Variants in ACSBG2 observed in about 807,000 individuals in gnomAD.
ACSBG2 encodes long-chain-fatty-acid--CoA ligase ACSBG2.
ACSBG2 carries 62 observed loss-of-function variants against 74.7 expected under a neutral mutation model. That is an observed-to-expected ratio of 0.83 (90% CI 0.68 to 1.03). The LOEUF is 1.03. Ranked by LOEUF, ACSBG2 falls within the 50% of genes least tolerant of loss-of-function variation. The pLI is 0.00. For synonymous variants in ACSBG2, 309 were observed against 294.1 expected (o/e 1.05, Z -0.52); for missense variants, 730 against 817.6 (o/e 0.89, Z 1.31).
intron 2 of ACSBG2, among the ~76,000 whole-genome samples, 194 bp from the exon 3 acceptor site, chr19:6,147,252 G>A (rs562102433): frequency 2.2e-4 from 33 of 152,252 alleles, no homozygotes; most frequent in African/African-American, 7.7e-4. Flanking sequence ...TTAAAATTTG[G>A]CGGGGCGGGG....
intron 4 of ACSBG2, among the ~76,000 whole-genome samples, chr19:6,154,382 G>A (rs2089341750): frequency 7.2e-6 from 1 of 138,552 alleles, no homozygotes; most frequent in Non-Finnish European, 1.5e-5. Flanking sequence ...TGGGCAACAA[G>A]AGCAAAACTC....
At position 6,177,919 on chromosome 19, in the gene ACSBG2, T is replaced by C. The variant is rs567916148; in HGVS notation, c.906+523T>C. ...GTGTGTGTGTGTGTGTGTGTGTTTA[T>C]AAGTCAGTATTCCCAAATCTAAAAA... is the stretch of plus-strand genomic sequence containing the variant. On this transcript the variant is annotated intron_variant, in intron 8 of 14. Coordinates refer to ENST00000588485, the MANE Select transcript of ACSBG2 (RefSeq NM_030924.5). 7.3e-5 allele frequency among the ~76,000 whole-genome samples: 11 copies of C among 151,230 alleles called. No homozygotes were observed. The South Asian group carries it at 2.3e-3, about 32-fold the overall frequency.
At chr19:6,185,841 T>C (rs1250826460) in intron 11 of ACSBG2, among the ~76,000 whole-genome samples, 188 bp downstream of exon 11, 1 of 152,148 alleles carries the variant, frequency 6.6e-6, no homozygotes, top group Non-Finnish European at 1.5e-5. Flanking sequence ...CCTTGGTCAC[T>C]TGGTATCCCG....
At chr19:6,166,280 T>TGTGTGTGTGTGTGTGTGTGTG (rs2089799967) in intron 7 of ACSBG2, among the ~76,000 whole-genome samples, 1 of 119,096 alleles carries the variant, frequency 8.4e-6, no homozygotes, top group African/African-American at 3.8e-5. Flanking sequence ...GTCAGGAAGG[T>TGTGTGTGTGTGTGTGTGTGTG]TGTGTGTGTG....
chr19:6,156,624 T>A (rs2089430214), intron 5 of ACSBG2, 73 bp downstream of exon 5: 1 of 1,420,036 alleles, frequency 7.0e-7, no homozygotes, highest in Non-Finnish European at 9.3e-7. Flanking sequence ...GTGTTCTTTT[T>A]TTCCCAGGTA....
At chr19:6,157,723 C>A (rs1159879259) in intron 5 of ACSBG2, among the ~76,000 whole-genome samples, 1 of 151,726 alleles carries the variant, frequency 6.6e-6, no homozygotes, top group Admixed American at 6.6e-5. Context: ...AACCTTAAGC[C>A]CCCACTTAAG....
intron 3 of ACSBG2, 105 bp downstream of exon 3, chr19:6,147,780 AG>A: frequency 7.6e-7 from 1 of 1,315,640 alleles, no homozygotes; most frequent in Non-Finnish European, 1.1e-6. Context: ...AAAGATACAA[AG>A]GTTAATTGGC....
chr19:6,154,398 CAAAAA>C (rs2089342593), intron 4 of ACSBG2, among the ~76,000 whole-genome samples: 1 of 38,724 alleles, frequency 2.6e-5, no homozygotes, highest in Non-Finnish European at 5.6e-5. Context: ...AACTCCGTCT[CAAAAA>C]GAGAGAGAGA....
At chr19:6,164,890 G>A (rs2089746562) in intron 6 of ACSBG2, among the ~76,000 whole-genome samples, 1 of 152,168 alleles carries the variant, frequency 6.6e-6, no homozygotes, top group African/African-American at 2.4e-5. Context: ...ACAGGCTCTG[G>A]AGTCAGACCT....
chr19:6,167,202 G>A (rs1460725424), intron 7 of ACSBG2, among the ~76,000 whole-genome samples: 4 of 152,170 alleles, frequency 2.6e-5, no homozygotes, highest in Admixed American at 1.3e-4. Context: ...ATAGTTACCA[G>A]CACACACTGG....
chr19:6,183,167 C>A lies in ACSBG2; in HGVS notation c.1217C>A (p.Ala406Asp), dbSNP rs139253480. ...SGTAPLNQET[A>D]EFFLSLDIPI... The stretch of plus-strand genomic sequence containing the variant: ...ACTGCGCCCCTCAACCAAGAGACTG[C>A]CGAGTTCTTTCTAAGCTTGGACATA... Residue 406 changes from alanine to aspartate, a missense_variant, in exon 10 of 15, where the codon GCC becomes GAC. Ala to Asp is a moderately radical substitution (Grantham distance 126, BLOSUM62 -2). Transcript: ENST00000588485. 1.9e-6 allele frequency: 3 copies of A among 1,614,118 alleles called. No homozygotes were observed. The highest frequency in any genetic ancestry group is 2.5e-6 in the Non-Finnish European group (3 of 1,180,062).
rs1340776256 is a variant in ACSBG2 at position 6,174,728 on chromosome 19, C to T, written c.739-2501C>T. Among the ~76,000 whole-genome samples, 1 of 152,122 alleles carries T rather than the reference C, an allele frequency of 6.6e-6. No individual in the cohort carries two copies. Among genetic ancestry groups the T allele is most frequent in the East Asian group, 1.9e-4 (1 of 5,186 alleles). On this transcript the variant is annotated intron_variant, in intron 7 of 14. Transcript: ENST00000588485. The surrounding 1 kb of genome is among the most constrained non-coding windows in gnomAD (Gnocchi z 4.2). ...CTCGGGAGGCTGAAGTGAGACGATCCCTTGAGCCCAGGAGTTCGAGGCTGC... is the reference window on the plus strand; with the variant it reads ...CTCGGGAGGCTGAAGTGAGACGATCTCTTGAGCCCAGGAGTTCGAGGCTGC...
chr19:6,165,355 G>A (rs1442035384), intron 6 of ACSBG2, among the ~76,000 whole-genome samples: 1 of 152,182 alleles, frequency 6.6e-6, no homozygotes, highest in Non-Finnish European at 1.5e-5. Flanking sequence ...GAGGTCACAT[G>A]TCCAGACTTG....
At chr19:6,154,402 AAGAG>A (rs547084046) in intron 4 of ACSBG2, among the ~76,000 whole-genome samples, 2,699 of 83,240 alleles carry the variant, frequency 0.032, 98 homozygotes, top group African/African-American at 0.098. Context: ...CCGTCTCAAA[AAGAG>A]AGAGAGAGAG....
chr19:6,186,958 AAGTGGCAGGATTACAGGTGTGAGCCAC>A (rs1288683399), intron 11 of ACSBG2, among the ~76,000 whole-genome samples: 7 of 150,772 alleles, frequency 4.6e-5, no homozygotes, highest in Admixed American at 4.6e-4. Context: ...CAGCCTCCCA[AAGTGGCAGGATTACAGGTGTGAGCCAC>A]TGTGCCTGGC....
At chr19:6,187,883 A>T (rs746753797) in intron 13 of ACSBG2, 38 bp downstream of exon 13, 1 of 1,605,680 alleles carries the variant, frequency 6.2e-7, no homozygotes, top group South Asian at 1.1e-5. Flanking sequence ...GTCCCTTGTT[A>T]GCATCTGGGA....
rs113174172 is a variant in ACSBG2 at position 6,181,044 on chromosome 19, T to TA, written c.907-1689dup. Among the ~76,000 whole-genome samples, 639 of 100,008 alleles carry TA rather than the reference T, an allele frequency of 6.4e-3. 4 individuals are homozygous for TA. Among genetic ancestry groups the TA allele is most frequent in the Middle Eastern group, 0.014 (3 of 208 alleles). 65.6% of individuals were successfully genotyped at this position (100,008 alleles called of 152,430 possible). A position where few individuals can be genotyped will look rare whatever the true frequency, so the allele number is the denominator to read the frequency against. On this transcript the variant is annotated intron_variant, in intron 8 of 14. Coordinates refer to ENST00000588485, the MANE Select transcript of ACSBG2 (RefSeq NM_030924.5). ...GAAACTCCGTCTCCTCCGTCTCTACTAAAAAAAAAAAAAAAAAAGAAAAAG... is the reference window on the plus strand; with the variant it reads ...GAAACTCCGTCTCCTCCGTCTCTACTAAAAAAAAAAAAAAAAAAAGAAAAAG...
chr19:6,167,555 C>T (rs1360535434), intron 7 of ACSBG2, among the ~76,000 whole-genome samples: 1 of 152,182 alleles, frequency 6.6e-6, no homozygotes, highest in African/African-American at 2.4e-5. Flanking sequence ...GAATCCAAAT[C>T]TTTTGCCAAC....
intron 3 of ACSBG2, 144 bp from the exon 4 acceptor site, chr19:6,151,563 A>T: frequency 1.3e-6 from 1 of 756,586 alleles, no homozygotes. Context: ...CTCCCACCTC[A>T]ACCTCCCAAA....
Sources: allele counts gnomAD v4.1 joint callset (sites outside exome capture counted in the v4.1 genomes callset), GRCh38; gene constraint gnomAD v4.1.1; non-coding constraint Gnocchi (gnomAD v3.1); transcripts MANE v1.5; gene names NCBI Gene and HGNC (gene_info 2026-07-23, HGNC 2026-07-21).